CTNNA2: variants seen among roughly 807,000 people sequenced by gnomAD.
CTNNA2 encodes the protein catenin alpha-2.
CTNNA2 carries 42 observed loss-of-function variants against 101.0 expected under a neutral mutation model. The ratio of observed to expected loss-of-function variants is 0.42; its 90% confidence interval spans 0.32 to 0.54. CTNNA2 has a LOEUF of 0.54. Ranked by LOEUF, CTNNA2 falls within the 20% of genes least tolerant of loss-of-function variation. The pLI is 0.14. For synonymous variants in CTNNA2, 450 were observed against 456.4 expected (o/e 0.99, Z 0.18); for missense variants, 871 against 1,223.1 (o/e 0.71, Z 4.29).
chr2:79,808,260 A>G (rs1667748728), intron 3 of CTNNA2, among the ~76,000 whole-genome samples: 1 of 152,164 alleles, frequency 6.6e-6, no homozygotes, highest in Non-Finnish European at 1.5e-5. Context: ...GCATGTATGA[A>G]AGAGGAGAAG....
intron 4 of CTNNA2, chr2:79,494,033 C>A (rs1671230137): frequency 6.6e-6 from 1 of 151,650 alleles, no homozygotes; most frequent in Admixed American, 6.6e-5. Flanking sequence ...TAACAATGAA[C>A]AATCTAAACT....
intron 2 of CTNNA2, among the ~76,000 whole-genome samples, chr2:79,301,207 C>T (rs1332311180): frequency 6.6e-6 from 1 of 152,190 alleles, no homozygotes; most frequent in East Asian, 1.9e-4. Flanking sequence ...TTGAACCTCC[C>T]TTATCATGTC....
At chr2:79,486,546 T>C (rs1263039101) in intron 4 of CTNNA2, among the ~76,000 whole-genome samples, 1 of 152,194 alleles carries the variant, frequency 6.6e-6, no homozygotes, top group African/African-American at 2.4e-5. Context: ...CGTGGGCATG[T>C]GTCTTTATAG....
intron 3 of CTNNA2, among the ~76,000 whole-genome samples, chr2:79,358,219 G>C (rs910066884): frequency 6.8e-6 from 1 of 147,254 alleles, no homozygotes. Context: ...TTTTTTTTTA[G>C]ATGGAGTTTT....
intron 1 of CTNNA2, among the ~76,000 whole-genome samples, chr2:79,648,253 T>A (rs1173509936): frequency 6.6e-6 from 1 of 152,200 alleles, no homozygotes; most frequent in African/African-American, 2.4e-5. Context: ...CATCAATTCA[T>A]ATTTTCTGAC....
chr2:80,439,543 C>T (rs760302856), intron 9 of CTNNA2, among the ~76,000 whole-genome samples: 80 of 151,996 alleles, frequency 5.3e-4, no homozygotes, highest in South Asian at 8.3e-4. Context: ...GGATTACAGG[C>T]GCAAACCACC....
At chr2:79,645,995 A>C (rs2104446168) in intron 1 of CTNNA2, among the ~76,000 whole-genome samples, 1 of 152,282 alleles carries the variant, frequency 6.6e-6, no homozygotes, top group Non-Finnish European at 1.5e-5. Flanking sequence ...AGTATTGGTG[A>C]AGAAAAAAAT....
intron 4 of CTNNA2, among the ~76,000 whole-genome samples, chr2:79,481,923 A>G (rs1671114039): frequency 6.6e-6 from 1 of 152,188 alleles, no homozygotes; most frequent in African/African-American, 2.4e-5. Flanking sequence ...AGTTTGTTAC[A>G]TGGAAGAGGC....
chr2:79,755,916 A>G (rs1044406671), intron 3 of CTNNA2, among the ~76,000 whole-genome samples: 2 of 152,226 alleles, frequency 1.3e-5, no homozygotes, highest in Non-Finnish European at 2.9e-5. Context: ...ATGTGAAAAT[A>G]TGATGAAAAA....
intron 7 of CTNNA2, among the ~76,000 whole-genome samples, chr2:79,943,121 G>A (rs1688272788): frequency 6.6e-6 from 1 of 152,278 alleles, no homozygotes; most frequent in Non-Finnish European, 1.5e-5. Context: ...GTAGGCTGAA[G>A]CCAGAGAATC....
intron 4 of CTNNA2, among the ~76,000 whole-genome samples, chr2:79,494,595 A>G (rs1179488429): frequency 6.6e-6 from 1 of 152,226 alleles, no homozygotes; most frequent in African/African-American, 2.4e-5. Context: ...GAAACAATGC[A>G]TATCCACATG....
At chr2:79,652,238 A>G (rs1681309064) in intron 2 of CTNNA2, among the ~76,000 whole-genome samples, 1 of 144,208 alleles carries the variant, frequency 6.9e-6, no homozygotes. Flanking sequence ...CTGGGATGTG[A>G]TTTTTTTTTT....
rs777661989 is a variant in CTNNA2, at chr2:79,467,731, T to G, written c.-134-37323T>G. Among the ~76,000 whole-genome samples, 67 of 152,266 alleles carry G rather than the reference T, an allele frequency of 4.4e-4. No individual in the cohort carries two copies. In the Middle Eastern group the frequency reaches 0.017, roughly 39 times the overall value. Reference sequence around the variant, plus strand: ...GAGTAGGGGCCAATATTCAACATTCTTAAAGAAAAGAATTTTCAACCCAGA... The same window carrying G: ...GAGTAGGGGCCAATATTCAACATTCGTAAAGAAAAGAATTTTCAACCCAGA... On this transcript the variant is annotated intron_variant, in intron 4 of 21. Transcript: ENST00000466387.
chr2:79,615,383 A>G (rs1222647469), intron 1 of CTNNA2, among the ~76,000 whole-genome samples: 1 of 152,198 alleles, frequency 6.6e-6, no homozygotes, highest in Admixed American at 6.6e-5. Context: ...TGACTAAAAA[A>G]GTTAGCCTTT....
At chr2:79,667,758 A>G (rs13394943) in intron 2 of CTNNA2, among the ~76,000 whole-genome samples, 35,274 of 152,188 alleles carry the variant, frequency 0.23, 4,481 homozygotes, top group East Asian at 0.45. Flanking sequence ...CAATCCTAGC[A>G]TACTGAGTGG....
At chr2:80,643,186 A>C (rs1389799523) in intron 18 of CTNNA2, among the ~76,000 whole-genome samples, 1 of 152,120 alleles carries the variant, frequency 6.6e-6, no homozygotes, top group Non-Finnish European at 1.5e-5. Context: ...AGTGTAGCAG[A>C]TCTTGGTAGA....
chr2:79,915,111 A>C (rs891518435), intron 7 of CTNNA2, among the ~76,000 whole-genome samples: 3 of 152,156 alleles, frequency 2.0e-5, no homozygotes, highest in African/African-American at 7.2e-5. Context: ...GATGATATCC[A>C]GGGCCACGAG....
At chr2:79,837,268 G>A (rs79215863) in intron 3 of CTNNA2, among the ~76,000 whole-genome samples, 6,089 of 152,256 alleles carry the variant, frequency 0.04, 148 homozygotes, top group East Asian at 0.12. Context: ...GGCAGGAAGC[G>A]TCTAGCACGA....
chr2:80,491,053 G>T (rs139196494), intron 9 of CTNNA2, among the ~76,000 whole-genome samples: 1,538 of 152,246 alleles, frequency 0.01, 28 homozygotes, highest in African/African-American at 0.035. Context: ...CCACTAGATA[G>T]GTATGTTTAT....
Sources: allele counts gnomAD v4.1 joint callset (sites outside exome capture counted in the v4.1 genomes callset), GRCh38; gene constraint gnomAD v4.1.1; transcripts MANE v1.5; gene names NCBI Gene and HGNC (gene_info 2026-07-23, HGNC 2026-07-21).